Variants in PCDHGA2 observed in about 807,000 individuals in gnomAD.
The protein encoded by PCDHGA2 is protocadherin gamma subfamily A, 2.
PCDHGA2 carries 40 observed loss-of-function variants against 59.2 expected under a neutral mutation model. The observed-to-expected ratio is 0.68, with a 90% CI of 0.52 to 0.88. The LOEUF is 0.88. Ranked by LOEUF, PCDHGA2 falls within the 40% of genes least tolerant of loss-of-function variation. PCDHGA2 has a pLI of 0.00. For missense variants in PCDHGA2, 1,226 were observed against 1,204.0 expected (o/e 1.02, Z -0.27); for synonymous variants, 560 against 526.0 (o/e 1.06, Z -0.89).
rs775104626 is a variant in PCDHGA2, at chr5:141,486,636, C to T, written c.2425-8171C>T. On this transcript the variant is annotated intron_variant, in intron 1 of 3. Transcript: ENST00000394576. This position sits in a 1 kb window ranked among gnomAD's most constrained non-coding sequence, Gnocchi z 5.0. ...TCTGACCCAGACTCTGGCTTGAATG[C>T]GCTTATCTCCTACTCACTCCTGGAG... 7 of 1,613,540 alleles carry T rather than the reference C, an allele frequency of 4.3e-6. No individual in the cohort carries two copies. The highest frequency in any genetic ancestry group is 1.3e-5 in the African/African-American group (1 of 74,926).
At chr5:141,401,657 G>T (rs1398256315) in intron 1 of PCDHGA2, among the ~76,000 whole-genome samples, 3 of 152,204 alleles carry the variant, frequency 2.0e-5, no homozygotes, top group Non-Finnish European at 4.4e-5. Context: ...ATGACTGGAT[G>T]TTTTCTCAAC....
At chr5:141,421,841 AAG>A in intron 1 of PCDHGA2, 1 of 1,613,750 alleles carries the variant, frequency 6.2e-7, no homozygotes. Context: ...GACCGAGAGA[AAG>A]AGGCTGCTCA....
Position 141,339,317 on chromosome 5 carries a change from A to G in PCDHGA2, c.346A>G (p.Ile116Val), listed in dbSNP as rs949025792. 1 of 1,614,234 alleles carries G rather than the reference A, an allele frequency of 6.2e-7. No individual in the cohort carries two copies. The change falls in exon 1 of 4, where the codon ATT becomes GTT. Residue 116 changes from isoleucine to valine, a missense_variant. Coordinates refer to ENST00000394576, the MANE Select transcript of PCDHGA2 (RefSeq NM_018915.4). ...FNILLEDKLT[I>V]YSVEVEITDI... The stretch of plus-strand genomic sequence containing the variant: ...CATTCTGCTGGAGGATAAATTGACT[A>G]TTTATTCAGTAGAGGTGGAAATAAC...
intron 1 of PCDHGA2, chr5:141,422,094 T>C: frequency 1.2e-6 from 2 of 1,610,648 alleles, no homozygotes; most frequent in Non-Finnish European, 1.7e-6. Flanking sequence ...AAAGCAAGGC[T>C]TCTGAAATAT....
chr5:141,361,548 C>G (rs374369531), intron 1 of PCDHGA2: 3 of 1,613,976 alleles, frequency 1.9e-6, no homozygotes, highest in Non-Finnish European at 2.5e-6. Flanking sequence ...GCGCCTCTAT[C>G]GCTCAAATCA....
chr5:141,366,257 G>C (rs1420756511), intron 1 of PCDHGA2: 1 of 1,613,694 alleles, frequency 6.2e-7, no homozygotes, highest in Non-Finnish European at 8.5e-7. Context: ...GCAGAGCCTC[G>C]TGGTGGCCGT....
chr5:141,488,014 C>T (rs2099670661), intron 1 of PCDHGA2, among the ~76,000 whole-genome samples: 1 of 152,120 alleles, frequency 6.6e-6, no homozygotes, highest in South Asian at 2.1e-4. Context: ...TCTGAAGTAC[C>T]TTAACTCTAG....
chr5:141,415,502 A>AGCCC, intron 1 of PCDHGA2: 1 of 1,614,204 alleles, frequency 6.2e-7, no homozygotes, highest in South Asian at 1.1e-5. Flanking sequence ...ATCTTCCCCC[A>AGCCC]GCCCAATTAT....
Position 141,490,705 on chromosome 5 carries a change from C to T in PCDHGA2, c.2425-4102C>T. 1 of 1,614,194 alleles carries T rather than the reference C, an allele frequency of 6.2e-7. No individual in the cohort carries two copies. Among genetic ancestry groups the T allele is most frequent in the South Asian group, 1.1e-5 (1 of 91,082 alleles). On this transcript the variant is annotated intron_variant, in intron 1 of 3. Coordinates refer to ENST00000394576, the MANE Select transcript of PCDHGA2 (RefSeq NM_018915.4). This position sits in a 1 kb window ranked among gnomAD's most constrained non-coding sequence, Gnocchi z 5.4. ...TCCAGACACTGGGGATAATGCCCGC[C>T]TCACCTACTCCATTGTAGGAAATCA...
At chr5:141,494,768 C>T (rs758949982) in intron 1 of PCDHGA2, 39 bp from the exon 2 acceptor site, 1 of 1,614,060 alleles carries the variant, frequency 6.2e-7, no homozygotes, top group South Asian at 1.1e-5. Flanking sequence ...TCTAACTTCT[C>T]ACGGGTACTC....
At chr5:141,410,492 T>C in intron 1 of PCDHGA2, 2 of 1,613,912 alleles carry the variant, frequency 1.2e-6, no homozygotes, top group Non-Finnish European at 1.7e-6. Flanking sequence ...TACAAAAGAG[T>C]TTAATTTCCT....
intron 1 of PCDHGA2, chr5:141,393,560 G>A (rs1448273528): frequency 1.5e-5 from 24 of 1,613,796 alleles, no homozygotes; most frequent in Non-Finnish European, 2.0e-5. Context: ...TTTACCGAGT[G>A]AAAGTCCTTG....
chr5:141,374,681 C>G, intron 1 of PCDHGA2: 1 of 1,610,216 alleles, frequency 6.2e-7, no homozygotes, highest in Non-Finnish European at 8.5e-7. Context: ...GGAGGGCACA[C>G]TGGACCGGGA....
intron 2 of PCDHGA2, among the ~76,000 whole-genome samples, chr5:141,498,949 AAGAG>A (rs1417276243): frequency 1.3e-4 from 18 of 133,552 alleles, no homozygotes; most frequent in African/African-American, 1.9e-4. Context: ...AAGAAAGAAA[AAGAG>A]AGAGAGGGAG....
intron 1 of PCDHGA2, chr5:141,420,084 A>G (rs1454284559): frequency 2.5e-6 from 4 of 1,613,890 alleles, no homozygotes; most frequent in African/African-American, 1.3e-5. Context: ...GGTCCCCCCA[A>G]CTACAGTGAG....
At chr5:141,362,631 A>G in intron 1 of PCDHGA2, 1 of 1,494,752 alleles carries the variant, frequency 6.7e-7, no homozygotes, top group Non-Finnish European at 9.0e-7. Flanking sequence ...TCCACTGCGT[A>G]TTTCTTTGTC....
intron 1 of PCDHGA2, chr5:141,355,083 G>A: frequency 7.0e-7 from 1 of 1,436,492 alleles, no homozygotes; most frequent in South Asian, 1.5e-5. Flanking sequence ...GCTTCAAGCG[G>A]AAGCCCTGAG....
At chr5:141,399,466 G>A (rs1229342978) in intron 1 of PCDHGA2, 5 of 1,613,886 alleles carry the variant, frequency 3.1e-6, no homozygotes, top group East Asian at 4.5e-5. Context: ...TAACGCTCCG[G>A]TTTTCCACCA....
At chr5:141,371,409 G>A in intron 1 of PCDHGA2, 7 of 1,614,022 alleles carry the variant, frequency 4.3e-6, no homozygotes, top group Non-Finnish European at 5.9e-6. Context: ...AGATATTTCA[G>A]ATGAAAATGA....
Sources: allele counts gnomAD v4.1 joint callset (sites outside exome capture counted in the v4.1 genomes callset), GRCh38; gene constraint gnomAD v4.1.1; non-coding constraint Gnocchi (gnomAD v3.1); transcripts MANE v1.5; gene names NCBI Gene and HGNC (gene_info 2026-07-23, HGNC 2026-07-21).